Variants in PLCE1 observed in about 807,000 individuals in gnomAD.
PLCE1 encodes 1-phosphatidylinositol 4,5-bisphosphate phosphodiesterase epsilon-1.
In PLCE1, 119 loss-of-function variants were observed where a neutral mutation model predicts 242.8. The ratio of observed to expected loss-of-function variants is 0.49; its 90% CI spans 0.42 to 0.57. The LOEUF is 0.57. PLCE1 is among the 20% of genes least tolerant of loss of function. The pLI is 0.00. For synonymous variants in PLCE1, 945 were observed against 1,017.4 expected (o/e 0.93, Z 1.35); for missense variants, 2,441 against 2,788.8 (o/e 0.88, Z 2.81).
intron 2 of PLCE1, among the ~76,000 whole-genome samples, chr10:94,087,804 A>C (rs112004552): frequency 5.3e-5 from 8 of 152,222 alleles, no homozygotes; most frequent in African/African-American, 1.9e-4. Context: ...TCATTGGTTC[A>C]TGACAGAACT....
At chr10:94,231,515 C>G (rs2050142219) in intron 5 of PLCE1, among the ~76,000 whole-genome samples, 1 of 151,926 alleles carries the variant, frequency 6.6e-6, no homozygotes, top group Admixed American at 6.6e-5. Context: ...GTTTTCCAGT[C>G]ACTTTCCTAG....
At chr10:94,110,058 C>CTTTTTTTTTTTTTTTTTTTTTTTT (rs33974566) in intron 2 of PLCE1, among the ~76,000 whole-genome samples, 4 of 75,890 alleles carry the variant, frequency 5.3e-5, no homozygotes, top group Non-Finnish European at 9.1e-5. Flanking sequence ...TTTCTTTTTT[C>CTTTTTTTTTTTTTTTTTTTTTTTT]TTTTTTTTTT....
At chr10:94,204,748 G>GAGGGAGGAAGGAAGGA (rs1554883695) in intron 4 of PLCE1, among the ~76,000 whole-genome samples, 8 of 122,444 alleles carry the variant, frequency 6.5e-5, no homozygotes, top group African/African-American at 2.6e-4. Flanking sequence ...AGAAGGGAGG[G>GAGGGAGGAAGGAAGGA]AGGAAGGAAG....
At chr10:94,326,486 G>GA (rs2054019604) in intron 32 of PLCE1, among the ~76,000 whole-genome samples, 2 of 152,130 alleles carry the variant, frequency 1.3e-5, no homozygotes, top group Admixed American at 1.3e-4. Flanking sequence ...TCATAGGTGT[G>GA]ATGTTATACA....
Position 94,269,079 on chromosome 10 carries a change from A to G in PLCE1, c.4389+43A>G, listed in dbSNP as rs185801694. On this transcript the variant is annotated intron_variant, in intron 17 of 32. Transcript: ENST00000371380. ...TCTTTAAATCAAATCACAAAGAGAC[A>G]TTATCTTCATTTGTCTTTTTTTTTT... 58 of 838,534 alleles carry G rather than the reference A, an allele frequency of 6.9e-5. 1 individual carries two copies. The highest frequency in any genetic ancestry group is 2.0e-6 in the Non-Finnish European group (1 of 506,518). The allele number at this position is 838,534 out of a possible 1,614,324, so 51.9% of individuals were successfully genotyped here.
chr10:94,220,992 TA>T (rs1459046258), intron 4 of PLCE1, among the ~76,000 whole-genome samples: 1 of 152,124 alleles, frequency 6.6e-6, no homozygotes, highest in Admixed American at 6.5e-5. Context: ...CAGGTACAGT[TA>T]ACTGGTGAGG....
In PLCE1 at chr10:94,242,467, C is replaced by T. The variant is rs576652619; in HGVS notation, c.2421-3479C>T. 9.2e-5 allele frequency among the ~76,000 whole-genome samples: 14 copies of T among 152,164 alleles called. No homozygotes were observed. The East Asian group carries it at 2.1e-3, about 23-fold the overall frequency. Reference sequence around the variant, plus strand: ...CTGGGACTACAGGTGCCTGCCACCACGCCCAGCTAATTTTTGTATTTTTAG... The same window carrying T: ...CTGGGACTACAGGTGCCTGCCACCATGCCCAGCTAATTTTTGTATTTTTAG... On this transcript the variant is annotated intron_variant, in intron 7 of 32. Coordinates refer to ENST00000371380, the MANE Select transcript of PLCE1 (RefSeq NM_016341.4).
intron 2 of PLCE1, among the ~76,000 whole-genome samples, chr10:94,126,854 C>G (rs2046450742): frequency 6.6e-6 from 1 of 152,118 alleles, no homozygotes; most frequent in Non-Finnish European, 1.5e-5. Context: ...ACAATAACAA[C>G]AGCATTGTAA....
chr10:93,995,370 T>C (rs1271288626), intron 1 of PLCE1, among the ~76,000 whole-genome samples: 1 of 152,238 alleles, frequency 6.6e-6, no homozygotes, highest in East Asian at 1.9e-4. Flanking sequence ...TGTGTTTTGC[T>C]GGTGGTGTGA....
chr10:94,307,779 C>T (rs1564882577), intron 26 of PLCE1, among the ~76,000 whole-genome samples: 1 of 152,188 alleles, frequency 6.6e-6, no homozygotes, highest in Non-Finnish European at 1.5e-5. Context: ...TAAAGACCCT[C>T]TCTTCAAATA....
intron 4 of PLCE1, among the ~76,000 whole-genome samples, chr10:94,209,505 G>T (rs998797582): frequency 2.6e-5 from 4 of 152,060 alleles, no homozygotes; most frequent in Non-Finnish European, 5.9e-5. Context: ...ATCTCAATTT[G>T]CCTATAGTAC....
intron 27 of PLCE1, 137 bp from the exon 28 acceptor site, chr10:94,313,116 CT>C (rs2133737331): frequency 1.1e-6 from 1 of 935,782 alleles, no homozygotes; most frequent in East Asian, 2.5e-5. Context: ...ATTTGTAGCA[CT>C]AGGCTACAAA....
intron 7 of PLCE1, among the ~76,000 whole-genome samples, chr10:94,242,777 C>A (rs1049400760): frequency 6.6e-6 from 1 of 152,120 alleles, no homozygotes; most frequent in Non-Finnish European, 1.5e-5. Context: ...GAAAGGAATA[C>A]AAGAACCAAC....
chr10:94,251,598 T>C (rs2050876836), intron 8 of PLCE1, among the ~76,000 whole-genome samples: 1 of 152,208 alleles, frequency 6.6e-6, no homozygotes, highest in Non-Finnish European at 1.5e-5. Context: ...CATTGACAAT[T>C]GTTTAATTAA....
intron 16 of PLCE1, 58 bp downstream of exon 16, chr10:94,266,016 C>A: frequency 2.6e-6 from 4 of 1,562,864 alleles, no homozygotes; most frequent in East Asian, 2.2e-5. Flanking sequence ...TTATGTAACC[C>A]CCAAAGTCAA....
At chr10:94,084,869 T>A (rs765926640) in intron 2 of PLCE1, among the ~76,000 whole-genome samples, 6 of 152,218 alleles carry the variant, frequency 3.9e-5, no homozygotes, top group Non-Finnish European at 8.8e-5. Flanking sequence ...AAAATCTATC[T>A]TAAAACTGTA....
intron 2 of PLCE1, among the ~76,000 whole-genome samples, chr10:94,117,078 A>G (rs1333385924): frequency 4.6e-5 from 7 of 152,138 alleles, no homozygotes; most frequent in Admixed American, 4.6e-4. Flanking sequence ...CTGGATGTGG[A>G]CTTTCTCCTC....
At chr10:94,199,008 C>G (rs2048911539) in intron 4 of PLCE1, among the ~76,000 whole-genome samples, 1 of 152,090 alleles carries the variant, frequency 6.6e-6, no homozygotes, top group South Asian at 2.1e-4. Flanking sequence ...GCTGAAGTCA[C>G]ACCACTACAC....
chr10:94,015,127 C>T (rs2061253956), intron 1 of PLCE1, among the ~76,000 whole-genome samples: 1 of 152,176 alleles, frequency 6.6e-6, no homozygotes, highest in Admixed American at 6.5e-5. Context: ...CACCGCAGTT[C>T]CTGTGAAGAC....
Sources: gnomAD v4.1 joint callset for allele counts (sites outside exome capture counted in the v4.1 genomes callset) on GRCh38, gnomAD v4.1.1 for gene constraint, MANE v1.5 for transcripts, NCBI Gene and HGNC (gene_info 2026-07-23, HGNC 2026-07-21) for gene names.